PI15: variants seen among roughly 807,000 people sequenced by gnomAD.
PI15 encodes peptidase inhibitor 15.
In PI15, 18 loss-of-function variants were observed where a neutral mutation model predicts 31.0. That is an observed-to-expected ratio of 0.58 (90% CI 0.40 to 0.86). The LOEUF (loss-of-function observed/expected upper bound fraction) is 0.86. PI15 is among the 40% of genes least tolerant of loss of function. PI15 has a pLI of 0.00. For missense variants in PI15, 282 were observed against 328.1 expected (o/e 0.86, Z 1.09); for synonymous variants, 118 against 119.1 (o/e 0.99, Z 0.06).
chr8:74,825,063 G>A lies in PI15; in HGVS notation c.-40-147G>A. The A allele has an allele frequency of 4.6e-6, 3 of 656,834 alleles. No homozygotes were observed. In the South Asian group the frequency reaches 5.5e-5, roughly 12 times the overall value. 40.7% of individuals were successfully genotyped at this position (656,834 alleles called of 1,614,324 possible). On this transcript the variant is annotated intron_variant, in intron 1 of 5. Coordinates refer to ENST00000260113, the MANE Select transcript of PI15 (RefSeq NM_015886.5). ...AAAATGAATAGAGATTCTACTGTAG[G>A]TTATCTCCTAGGCTTGAGTTCAACA...
intron 2 of PI15, among the ~76,000 whole-genome samples, chr8:74,837,352 T>C (rs2128764801): frequency 6.6e-6 from 1 of 152,278 alleles, no homozygotes; most frequent in South Asian, 2.1e-4. Context: ...GCCCTTTCTC[T>C]TCCTCTGCCC....
chr8:74,833,674 T>C lies in PI15; in HGVS notation c.273+8152T>C, dbSNP rs1026539297. On this transcript the variant is annotated intron_variant, in intron 2 of 5. Coordinates refer to ENST00000260113, the MANE Select transcript of PI15 (RefSeq NM_015886.5). ...GCTGTGCTACATACACTTCAGTCACTATCTCATCTAACTCTCTCAAGTTTT... is the reference window on the plus strand; with the variant it reads ...GCTGTGCTACATACACTTCAGTCACCATCTCATCTAACTCTCTCAAGTTTT... Among the ~76,000 whole-genome samples the C allele has an allele frequency of 2.0e-5, 3 of 152,176 alleles. No homozygotes were observed. The East Asian group carries it at 5.8e-4, about 29-fold the overall frequency.
At chr8:74,846,389 C>A (rs966859689) in intron 5 of PI15, among the ~76,000 whole-genome samples, 5 of 152,016 alleles carry the variant, frequency 3.3e-5, no homozygotes, top group African/African-American at 1.2e-4. Flanking sequence ...ACTGTGTCTG[C>A]ATTATTAAAA....
chr8:74,828,192 G>A (rs968800082), intron 2 of PI15, among the ~76,000 whole-genome samples: 6 of 152,094 alleles, frequency 3.9e-5, no homozygotes, highest in Non-Finnish European at 8.8e-5. Flanking sequence ...AAACAAAGTG[G>A]CTTGTGGTAA....
intron 2 of PI15, among the ~76,000 whole-genome samples, chr8:74,832,766 T>C (rs1321386313): frequency 2.6e-5 from 4 of 152,080 alleles, no homozygotes; most frequent in African/African-American, 4.8e-5. Context: ...ATCCATAGTA[T>C]CTGAAATCAG....
At chr8:74,836,588 C>T (rs889646377) in intron 2 of PI15, among the ~76,000 whole-genome samples, 2 of 151,900 alleles carry the variant, frequency 1.3e-5, no homozygotes, top group African/African-American at 2.4e-5. Flanking sequence ...TGGACTGAGC[C>T]CTGGGAACTT....
chr8:74,833,658 C>T (rs147458203), intron 2 of PI15, among the ~76,000 whole-genome samples: 4 of 152,266 alleles, frequency 2.6e-5, no homozygotes, highest in Non-Finnish European at 5.9e-5. Context: ...AGCTGTGCTA[C>T]ATACACTTCA....
intron 2 of PI15, among the ~76,000 whole-genome samples, chr8:74,836,127 C>T (rs1175459579): frequency 2.0e-5 from 3 of 152,162 alleles, no homozygotes; most frequent in African/African-American, 7.2e-5. Context: ...TAAAGAACAG[C>T]AACCAGTAAA....
In PI15 at chr8:74,852,567, G is replaced by T. The variant is rs772798483; in HGVS notation, c.*3314G>T. 6 of 152,074 alleles carry T rather than the reference G, an allele frequency of 3.9e-5. No homozygotes were observed. Among genetic ancestry groups the T allele is most frequent in the Non-Finnish European group, 8.8e-5 (6 of 67,968 alleles). The allele number at this position is 152,074 out of a possible 1,614,324, so 9.4% of individuals were successfully genotyped here. A position where few individuals can be genotyped will look rare whatever the true frequency, so the allele number is the denominator to read the frequency against. On this transcript the variant is annotated 3_prime_UTR_variant, in exon 6 of 6. Transcript: ENST00000260113. The stretch of plus-strand genomic sequence containing the variant: ...CATAACATTCATTTAAAAAGTTTAT[G>T]AAAACATTCATTTGAAAGTTCCATG...
intron 2 of PI15, among the ~76,000 whole-genome samples, chr8:74,843,595 A>G (rs935905645): frequency 2.6e-5 from 4 of 152,148 alleles, no homozygotes; most frequent in Non-Finnish European, 5.9e-5. Flanking sequence ...CGGATGTGGT[A>G]GTGCGCACCT....
rs2128765660 is a variant in PI15 at position 74,843,391 on chromosome 8, T to C, written c.274-590T>C. ...AACTTTGAATAACAGTGGCCTGAAT[T>C]TGCTTTCTTTTAGTTATAGCAGTCT... On this transcript the variant is annotated intron_variant, in intron 2 of 5. Transcript: ENST00000260113. Among the ~76,000 whole-genome samples the C allele has an allele frequency of 1.3e-5, 2 of 152,342 alleles. 1 individual carries two copies. The highest frequency in any genetic ancestry group is 4.1e-4 in the South Asian group (2 of 4,828).
chr8:74,847,647 C>T (rs537607440), intron 5 of PI15, among the ~76,000 whole-genome samples: 1 of 152,164 alleles, frequency 6.6e-6, no homozygotes, highest in Admixed American at 6.5e-5. Context: ...CTTAAAATCC[C>T]ATCTCATTTT....
intron 2 of PI15, among the ~76,000 whole-genome samples, chr8:74,843,216 T>A (rs1185901512): frequency 8.5e-5 from 13 of 152,216 alleles, no homozygotes; most frequent in Non-Finnish European, 1.8e-4. Flanking sequence ...GATTCAAATT[T>A]CAGTAGTCAG....
intron 2 of PI15, among the ~76,000 whole-genome samples, chr8:74,839,330 T>C (rs1223239913): frequency 1.3e-5 from 2 of 152,216 alleles, no homozygotes; most frequent in Non-Finnish European, 2.9e-5. Flanking sequence ...ATTTATGAGC[T>C]GACCAACTGA....
chr8:74,849,370 C>T lies in PI15; in HGVS notation c.*117C>T. The T allele has an allele frequency of 1.5e-6, 1 of 686,442 alleles. No homozygotes were observed. Among genetic ancestry groups the T allele is most frequent in the East Asian group, 2.9e-5 (1 of 34,652 alleles). The allele number at this position is 686,442 out of a possible 1,614,324, so 42.5% of individuals were successfully genotyped here. A position where few individuals can be genotyped will look rare whatever the true frequency, so the allele number is the denominator to read the frequency against. On this transcript the variant is annotated 3_prime_UTR_variant, in exon 6 of 6. Transcript: ENST00000260113. ...TATTTTGTGCTAATCTTGTTTTCCT[C>T]TTAGTATTCCTTTGTATAAATTAGT...
At position 74,832,374 on chromosome 8, in the gene PI15, T is replaced by C. The variant is rs150650599; in HGVS notation, c.273+6852T>C. ...GCTAGTGTGGGGGAAGGAACATTCT[T>C]CTACTACAAAGAATTTTGGATGGGT... On this transcript the variant is annotated intron_variant, in intron 2 of 5. Transcript: ENST00000260113. 3.5e-3 allele frequency among the ~76,000 whole-genome samples: 527 copies of C among 152,218 alleles called. 3 individuals carry two copies. Among genetic ancestry groups the C allele is most frequent in the African/African-American group, 0.012 (486 of 41,540 alleles).
rs145710485 is a variant in PI15, at chr8:74,833,844, G to T, written c.273+8322G>T. ...ACAACAAGCCCATGCTTTAAATCAGGGGTCTCCCCAATTCCCAGGCTGCAG... is the reference window on the plus strand; with the variant it reads ...ACAACAAGCCCATGCTTTAAATCAGTGGTCTCCCCAATTCCCAGGCTGCAG... On this transcript the variant is annotated intron_variant, in intron 2 of 5. Coordinates refer to ENST00000260113, the MANE Select transcript of PI15 (RefSeq NM_015886.5). Among the ~76,000 whole-genome samples, 3 of 152,286 alleles carry T rather than the reference G, an allele frequency of 2.0e-5. No individual in the cohort carries two copies. In the East Asian group the frequency reaches 5.8e-4, roughly 29 times the overall value.
Position 74,825,281 on chromosome 8 carries a change from T to C in PI15, c.32T>C (p.Leu11Pro), listed in dbSNP as rs1221138782. Residue 11 changes from leucine to proline, a missense_variant, in exon 2 of 6, where the codon CTC (leucine) becomes CCC (proline). By Grantham distance (98) the Leu-to-Pro change is moderately conservative. Transcript: ENST00000260113. ...GCAATCTCTGCCGTCAGCAGTGCACTCCTGTTCTCCCTTCTCTGTGAAGCA... is the reference window on the plus strand; with the variant it reads ...GCAATCTCTGCCGTCAGCAGTGCACCCCTGTTCTCCCTTCTCTGTGAAGCA... The part of the protein sequence containing the change: MIAISAVSSA[L>P]LFSLLCEAST... 6.8e-6 allele frequency: 11 copies of C among 1,613,374 alleles called. No individual in the cohort carries two copies. The highest frequency in any genetic ancestry group is 7.6e-6 in the Non-Finnish European group (9 of 1,179,576).
intron 2 of PI15, among the ~76,000 whole-genome samples, chr8:74,841,154 A>G (rs1317058268): frequency 6.6e-6 from 1 of 152,164 alleles, no homozygotes; most frequent in African/African-American, 2.4e-5. Context: ...ACACAATGTG[A>G]TGTTTCGGTA....
Sources: allele counts gnomAD v4.1 joint callset (sites outside exome capture counted in the v4.1 genomes callset), GRCh38; gene constraint gnomAD v4.1.1; transcripts MANE v1.5; gene names NCBI Gene and HGNC (gene_info 2026-07-23, HGNC 2026-07-21).